Variants in BICC1 observed in about 807,000 individuals in gnomAD.
The protein encoded by BICC1 is protein bicaudal C homolog 1.
In BICC1, 43 loss-of-function variants were observed where a neutral mutation model predicts 111.0. That is an observed-to-expected ratio of 0.39 (90% CI 0.30 to 0.50). The LOEUF is 0.50. Among genes scored for constraint, BICC1 ranks in the 20% least tolerant of loss-of-function variants. The pLI is 0.88. For synonymous variants in BICC1, 467 were observed against 434.4 expected, an observed-to-expected ratio of 1.07 and a Z score of -0.93; for missense variants, 1,091 against 1,203.2, an observed-to-expected ratio of 0.91 and a Z score of 1.38.
chr10:58,680,728 C>T (rs1379346424), intron 2 of BICC1, among the ~76,000 whole-genome samples: 1 of 152,118 alleles, frequency 6.6e-6, no homozygotes, highest in Non-Finnish European at 1.5e-5. Flanking sequence ...CAATTCTAAG[C>T]AAAAAGAACA....
intron 1 of BICC1, among the ~76,000 whole-genome samples, chr10:58,596,540 A>G (rs972041082): frequency 6.6e-6 from 1 of 152,186 alleles, no homozygotes; most frequent in African/African-American, 2.4e-5. Flanking sequence ...TATTCAACAT[A>G]GTATTGGAAG....
At chr10:58,823,974 G>A in intron 20 of BICC1, 3 of 985,378 alleles carry the variant, frequency 3.0e-6, no homozygotes, top group Non-Finnish European at 3.6e-6. Flanking sequence ...CTGTATGCAT[G>A]CCTGCATGTG....
chr10:58,583,230 AT>A (rs561334547), intron 1 of BICC1, among the ~76,000 whole-genome samples: 4 of 151,896 alleles, frequency 2.6e-5, no homozygotes, highest in South Asian at 4.2e-4. Flanking sequence ...ATTTCTTAAA[AT>A]TTTTTTTTAT....
intron 1 of BICC1, among the ~76,000 whole-genome samples, chr10:58,601,429 C>A (rs1845037122): frequency 6.6e-6 from 1 of 151,398 alleles, no homozygotes; most frequent in Non-Finnish European, 1.5e-5. Flanking sequence ...TTTCAAATGA[C>A]CTTAAAATGT....
chr10:58,750,432 G>A (rs1415349527), intron 3 of BICC1, among the ~76,000 whole-genome samples: 1 of 152,094 alleles, frequency 6.6e-6, no homozygotes, highest in African/African-American at 2.4e-5. Flanking sequence ...GTTAAACTAT[G>A]ACAGAATGCT....
At chr10:58,631,110 C>T (rs1031687499) in intron 2 of BICC1, among the ~76,000 whole-genome samples, 8 of 152,180 alleles carry the variant, frequency 5.3e-5, no homozygotes, top group Non-Finnish European at 1.0e-4. Flanking sequence ...TCCTGCATAT[C>T]AGAATTTCCT....
chr10:58,640,680 G>A (rs538128246), intron 2 of BICC1, among the ~76,000 whole-genome samples: 1 of 152,330 alleles, frequency 6.6e-6, no homozygotes, highest in South Asian at 2.1e-4. Context: ...TTGGAATACA[G>A]TGGTGAGCAG....
chr10:58,554,355 T>G (rs1358425330), intron 1 of BICC1, among the ~76,000 whole-genome samples: 1 of 152,182 alleles, frequency 6.6e-6, no homozygotes, highest in Non-Finnish European at 1.5e-5. Context: ...TTTTCCTGTC[T>G]TGTAAGACAA....
At chr10:58,681,418 C>T (rs1483048563) in intron 2 of BICC1, among the ~76,000 whole-genome samples, 1 of 152,150 alleles carries the variant, frequency 6.6e-6, no homozygotes, top group Non-Finnish European at 1.5e-5. Context: ...CTCATCATCA[C>T]TGGTCATTAA....
intron 1 of BICC1, among the ~76,000 whole-genome samples, chr10:58,535,487 A>G (rs565043137): frequency 1.4e-4 from 21 of 151,838 alleles, no homozygotes; most frequent in Non-Finnish European, 2.2e-4. Context: ...ACTAAGTTTC[A>G]TAAATGAAGG....
chr10:58,777,330 G>A (rs996497385), intron 3 of BICC1, among the ~76,000 whole-genome samples: 1 of 152,052 alleles, frequency 6.6e-6, no homozygotes, highest in Non-Finnish European at 1.5e-5. Flanking sequence ...TGAAAAGTCA[G>A]TGGAGAATAG....
At chr10:58,677,560 A>G (rs966949740) in intron 2 of BICC1, among the ~76,000 whole-genome samples, 3 of 152,224 alleles carry the variant, frequency 2.0e-5, no homozygotes, top group Admixed American at 6.5e-5. Flanking sequence ...AAAAGACCAA[A>G]CCTACGTTTG....
chr10:58,660,100 G>A lies in BICC1; in HGVS notation c.237+39199G>A, dbSNP rs146401707. Among the ~76,000 whole-genome samples the A allele has an allele frequency of 1.1e-4, 17 of 152,258 alleles. No individual in the cohort carries two copies. In the East Asian group the frequency reaches 2.1e-3, roughly 19 times the overall value. ...GCTCCTCATTGTCAGCTGCCTGTGG[G>A]TCTAGGGGCCCTTTGCTCCAGCAGA... is the stretch of plus-strand genomic sequence containing the variant. On this transcript the variant is annotated intron_variant, in intron 2 of 20. Coordinates refer to ENST00000373886, the MANE Select transcript of BICC1 (RefSeq NM_001080512.3).
At chr10:58,685,887 G>A (rs1839707174) in intron 2 of BICC1, among the ~76,000 whole-genome samples, 1 of 152,166 alleles carries the variant, frequency 6.6e-6, no homozygotes, top group South Asian at 2.1e-4. Context: ...ATTGTTATGT[G>A]TGATTTTGAT....
chr10:58,726,043 T>C (rs1292622460), intron 3 of BICC1, among the ~76,000 whole-genome samples: 4 of 152,218 alleles, frequency 2.6e-5, no homozygotes, highest in African/African-American at 4.8e-5. Flanking sequence ...CTCTGCTGTA[T>C]TTCTTATATC....
At chr10:58,791,258 TTTTAG>T (rs1220698248) in intron 8 of BICC1, among the ~76,000 whole-genome samples, 1 of 152,202 alleles carries the variant, frequency 6.6e-6, no homozygotes, top group Admixed American at 6.5e-5. Flanking sequence ...AGATGTTATT[TTTTAG>T]TTTAGTGAAA....
At chr10:58,586,946 A>G (rs951751162) in intron 1 of BICC1, among the ~76,000 whole-genome samples, 2 of 152,088 alleles carry the variant, frequency 1.3e-5, no homozygotes, top group Non-Finnish European at 1.5e-5. Flanking sequence ...TTTGTTCTCT[A>G]TGGGAGAGAC....
intron 17 of BICC1, among the ~76,000 whole-genome samples, chr10:58,811,077 A>G (rs973667745): frequency 6.6e-6 from 1 of 152,230 alleles, no homozygotes; most frequent in African/African-American, 2.4e-5. Flanking sequence ...TACTTCAAAG[A>G]GATCCCTTAG....
intron 1 of BICC1, among the ~76,000 whole-genome samples, chr10:58,560,867 A>G (rs763619488): frequency 1.8e-4 from 27 of 152,006 alleles, no homozygotes; most frequent in Non-Finnish European, 2.9e-4. Context: ...TACAGTTTCC[A>G]AAGTTCTTAT....
Sources: allele counts gnomAD v4.1 joint callset (sites outside exome capture counted in the v4.1 genomes callset), GRCh38; gene constraint gnomAD v4.1.1; transcripts MANE v1.5; gene names NCBI Gene and HGNC (gene_info 2026-07-23, HGNC 2026-07-21).